The following TASP1 variants were observed in gnomAD, a reference collection of about 807,000 sequenced individuals.
TASP1 encodes taspase 1.
A neutral mutation model predicts 56.6 loss-of-function variants in TASP1; 16 were observed. The observed-to-expected ratio is 0.28, with a 90% CI of 0.19 to 0.43. The LOEUF is 0.43. Ranked by LOEUF, TASP1 falls within the 20% of genes least tolerant of loss-of-function variation. The pLI, the probability that TASP1 is intolerant of heterozygous loss-of-function variation, is 1.00. For synonymous variants in TASP1, 179 were observed against 184.2 expected (o/e 0.97, Z 0.23); for missense variants, 393 against 511.6 (o/e 0.77, Z 2.24).
the TASP1 span, among the ~76,000 whole-genome samples, chr20:13,309,506 A>C: frequency 6.6e-6 from 1 of 152,196 alleles, no homozygotes; most frequent in Admixed American, 6.5e-5. Context: ...TTTAACCATC[A>C]GTGAAAAGCT....
At chr20:13,368,390 C>T in the TASP1 span, 1 of 152,366 alleles carries the variant, frequency 6.6e-6, no homozygotes, top group East Asian at 1.9e-4. Context: ...AGGGATTACA[C>T]TCCACTGTTG....
At chr20:13,135,686 T>C in the TASP1 span, among the ~76,000 whole-genome samples, 1 of 152,234 alleles carries the variant, frequency 6.6e-6, no homozygotes, top group Admixed American at 6.5e-5. Flanking sequence ...TCTTTCAAAA[T>C]ACAACACTTA....
At chr20:13,435,755 C>G (rs1670066854) in intron 11 of TASP1, among the ~76,000 whole-genome samples, 1 of 152,050 alleles carries the variant, frequency 6.6e-6, no homozygotes, top group Non-Finnish European at 1.5e-5. Context: ...ATTTTAAAAC[C>G]CCTCATTTTT....
chr20:13,617,532 T>C (rs1179618221), intron 4 of TASP1, among the ~76,000 whole-genome samples: 1 of 152,156 alleles, frequency 6.6e-6, no homozygotes, highest in Non-Finnish European at 1.5e-5. Context: ...TGCATCAAGC[T>C]GTCTTTCCAG....
At chr20:13,553,258 G>A (rs572412179) in intron 8 of TASP1, among the ~76,000 whole-genome samples, 7 of 152,072 alleles carry the variant, frequency 4.6e-5, no homozygotes, top group South Asian at 2.1e-4. Context: ...AGTTTTTAAC[G>A]TTTTGACAAA....
At chr20:13,518,594 C>A (rs1416817858) in intron 10 of TASP1, among the ~76,000 whole-genome samples, 1 of 152,070 alleles carries the variant, frequency 6.6e-6, no homozygotes, top group African/African-American at 2.4e-5. Context: ...TTCCTCTCAG[C>A]CTTCACTCAT....
At chr20:13,254,284 ATATATT>A in the TASP1 span, among the ~76,000 whole-genome samples, 4 of 151,892 alleles carry the variant, frequency 2.6e-5, no homozygotes, top group South Asian at 2.1e-4. Flanking sequence ...ATCTGCAAAT[ATATATT>A]TATATTTATA....
At chr20:13,608,476 G>A (rs905447748) in intron 4 of TASP1, among the ~76,000 whole-genome samples, 2 of 152,202 alleles carry the variant, frequency 1.3e-5, no homozygotes, top group Admixed American at 1.3e-4. Flanking sequence ...ATATTAACTA[G>A]TTCAGGCCTC....
intron 10 of TASP1, among the ~76,000 whole-genome samples, chr20:13,503,882 A>G (rs1450898428): frequency 3.3e-5 from 5 of 152,114 alleles, no homozygotes; most frequent in African/African-American, 1.2e-4. Context: ...AAGATTTGAA[A>G]GAATCTGTGA....
chr20:13,615,661 A>G (rs1303859802), intron 4 of TASP1, among the ~76,000 whole-genome samples: 1 of 151,852 alleles, frequency 6.6e-6, no homozygotes, highest in African/African-American at 2.4e-5. Context: ...CCCGGACTAC[A>G]CCCAGCTAAT....
chr20:13,536,064 T>G (rs1012242), intron 8 of TASP1, among the ~76,000 whole-genome samples: 1 of 152,134 alleles, frequency 6.6e-6, no homozygotes, highest in Admixed American at 6.5e-5. Flanking sequence ...TTTGCAATCT[T>G]GGGTAGAGAA....
the TASP1 span, among the ~76,000 whole-genome samples, chr20:13,277,860 A>T: frequency 6.6e-6 from 1 of 151,800 alleles, no homozygotes; most frequent in African/African-American, 2.4e-5. Context: ...ATGTGTCCAG[A>T]CTCCACAAAA....
intron 11 of TASP1, among the ~76,000 whole-genome samples, chr20:13,440,791 G>T (rs1362371533): frequency 6.6e-6 from 1 of 152,116 alleles, no homozygotes; most frequent in Non-Finnish European, 1.5e-5. Context: ...CTGAGTTTCA[G>T]AGAGGTTCAA....
At chr20:13,427,847 G>C (rs774536654) in intron 12 of TASP1, among the ~76,000 whole-genome samples, 1 of 152,166 alleles carries the variant, frequency 6.6e-6, no homozygotes, top group Non-Finnish European at 1.5e-5. Flanking sequence ...ATGGAAGCAG[G>C]ATCATGTACA....
At chr20:13,264,984 TCA>T in the TASP1 span, among the ~76,000 whole-genome samples, 1 of 152,152 alleles carries the variant, frequency 6.6e-6, no homozygotes, top group Non-Finnish European at 1.5e-5. Flanking sequence ...AGTGGACAAG[TCA>T]CAGCGCAGTG....
At chr20:13,473,038 A>G (rs192333932) in intron 11 of TASP1, among the ~76,000 whole-genome samples, 8,232 of 150,958 alleles carry the variant, frequency 0.055, 331 homozygotes, top group African/African-American at 0.11. Context: ...ACATGCACAC[A>G]TACGTTTATT....
At chr20:13,283,839 A>G in the TASP1 span, among the ~76,000 whole-genome samples, 1 of 152,212 alleles carries the variant, frequency 6.6e-6, no homozygotes, top group African/African-American at 2.4e-5. Flanking sequence ...CCCTATTTTA[A>G]TAGATTTCAC....
At chr20:13,526,101 A>G (rs1339216895) in intron 10 of TASP1, among the ~76,000 whole-genome samples, 1 of 152,182 alleles carries the variant, frequency 6.6e-6, no homozygotes, top group South Asian at 2.1e-4. Flanking sequence ...AATCAAATCC[A>G]TGGAGTATGT....
the TASP1 span, among the ~76,000 whole-genome samples, chr20:13,365,243 G>C: frequency 6.6e-6 from 1 of 152,008 alleles, no homozygotes; most frequent in African/African-American, 2.4e-5. Context: ...TTATTCATTT[G>C]ATAAATATTT....
Sources: gnomAD v4.1 joint callset for allele counts (sites outside exome capture counted in the v4.1 genomes callset) on GRCh38, gnomAD v4.1.1 for gene constraint, MANE v1.5 for transcripts, NCBI Gene and HGNC (gene_info 2026-07-23, HGNC 2026-07-21) for gene names.